Variants in BRSK2 observed in about 807,000 individuals in gnomAD.
BRSK2 encodes the protein serine/threonine-protein kinase BRSK2.
In BRSK2, 19 loss-of-function variants were observed where a neutral mutation model predicts 83.3. The ratio of observed to expected loss-of-function variants is 0.23; its 90% CI spans 0.16 to 0.33. The LOEUF (loss-of-function observed/expected upper bound fraction) is 0.33. Among genes scored for constraint, BRSK2 ranks in the 10% least tolerant of loss-of-function variants. The pLI is 1.00. For missense variants in BRSK2, 798 were observed against 1,042.3 expected (o/e 0.77, Z 3.23); for synonymous variants, 519 against 435.4 (o/e 1.19, Z -2.39).
At chr11:1,436,874 A>G (rs1169108663) in intron 2 of BRSK2, among the ~76,000 whole-genome samples, 7 of 151,960 alleles carry the variant, frequency 4.6e-5, no homozygotes, top group African/African-American at 1.7e-4. Flanking sequence ...GGAGTGGCCA[A>G]GAGAGGGGAG....
chr11:1,418,625 T>C (rs1848350087), intron 1 of BRSK2, among the ~76,000 whole-genome samples: 1 of 152,284 alleles, frequency 6.6e-6, no homozygotes, highest in African/African-American at 2.4e-5. Context: ...GGTCACACTG[T>C]GTCCTGCTTC....
chr11:1,437,717 C>G (rs1347725790), intron 2 of BRSK2, among the ~76,000 whole-genome samples: 1 of 152,228 alleles, frequency 6.6e-6, no homozygotes, highest in Non-Finnish European at 1.5e-5. Flanking sequence ...TCCTGTGAGG[C>G]CTCCACCGTA....
At chr11:1,429,141 C>T (rs1475953124) in intron 1 of BRSK2, among the ~76,000 whole-genome samples, 5 of 104,310 alleles carry the variant, frequency 4.8e-5, no homozygotes, top group South Asian at 3.2e-4. Flanking sequence ...TGTGTGTGCA[C>T]GTGTGCATGG....
At chr11:1,449,967 C>G (rs528894962) in intron 13 of BRSK2, 131 bp downstream of exon 13, 9 of 629,904 alleles carry the variant, frequency 1.4e-5, no homozygotes, top group Admixed American at 2.7e-5. Context: ...TGCCCACGCT[C>G]CTGTGGCGGC....
chr11:1,456,476 G>A lies in BRSK2; in HGVS notation c.1797G>A (p.Gly599=). The A allele has an allele frequency of 1.9e-6, 3 of 1,577,180 alleles. No individual in the cohort carries two copies. Among genetic ancestry groups the A allele is most frequent in the Non-Finnish European group, 2.6e-6 (3 of 1,160,280 alleles). ...TTGATATCACCTACACGGAGGGTGG[G>A]GAGGCGCAGAAGGAGAACGGCATCT... The part of the protein sequence containing the change: ...FQVDITYTEG[G]EAQKENGIYS... Residue 599 remains glycine (G), a synonymous_variant, in exon 17 of 20, where the codon GGG becomes GGA. Coordinates refer to ENST00000528841, the MANE Select transcript of BRSK2 (RefSeq NM_001256627.2).
chr11:1,392,260 G>A (rs952564406), intron 1 of BRSK2, among the ~76,000 whole-genome samples: 1 of 152,220 alleles, frequency 6.6e-6, no homozygotes, highest in Admixed American at 6.5e-5. Context: ...TTCCTGCCAG[G>A]AGACCTCCGT....
chr11:1,447,858 A>C (rs531277035), intron 12 of BRSK2: 52 of 1,596,394 alleles, frequency 3.3e-5, no homozygotes, highest in Admixed American at 2.5e-4. Flanking sequence ...TCAGCAAAGA[A>C]GACAGGTATA....
intron 1 of BRSK2, among the ~76,000 whole-genome samples, chr11:1,402,994 G>T (rs948653009): frequency 6.6e-6 from 1 of 152,142 alleles, no homozygotes; most frequent in African/African-American, 2.4e-5. Context: ...AGCCAGAGCC[G>T]CCGAGGGCGT....
At chr11:1,408,767 G>A (rs905659812) in intron 1 of BRSK2, among the ~76,000 whole-genome samples, 3 of 76,538 alleles carry the variant, frequency 3.9e-5, no homozygotes, top group Admixed American at 1.1e-4. Context: ...GTGCAGGGGT[G>A]TGTGTGTGTG....
At chr11:1,425,634 T>C (rs1443085811) in intron 1 of BRSK2, among the ~76,000 whole-genome samples, 1 of 152,070 alleles carries the variant, frequency 6.6e-6, no homozygotes, top group East Asian at 1.9e-4. Flanking sequence ...GGGGACGCAT[T>C]CAGCACCGAG....
At position 1,460,732 on chromosome 11, in the gene BRSK2, GCCCCC is replaced by G; in HGVS notation, c.*16_*20del. The G allele has an allele frequency of 7.6e-7, 1 of 1,310,240 alleles. No homozygotes were observed. The highest frequency in any genetic ancestry group is 9.9e-7 in the Non-Finnish European group (1 of 1,013,228). The allele number at this position is 1,310,240 out of a possible 1,614,324, so 81.2% of individuals were successfully genotyped here. Reference sequence around the variant, plus strand: ...GCCGCGAGCAGCCTTAGACACACTAGCCCCCCCCCCCAGCACAGCACTGACAGCGG... The same window carrying G: ...GCCGCGAGCAGCCTTAGACACACTAGCCCCCCAGCACAGCACTGACAGCGG... On this transcript the variant is annotated 3_prime_UTR_variant, in exon 20 of 20. Transcript: ENST00000528841.
chr11:1,450,407 G>A (rs1418652930), intron 13 of BRSK2, among the ~76,000 whole-genome samples, 180 bp from the exon 14 acceptor site: 8 of 152,104 alleles, frequency 5.3e-5, no homozygotes, highest in Non-Finnish European at 8.8e-5. Context: ...CAAGCTGACC[G>A]ACAAGCCTCT....
chr11:1,411,769 G>T, intron 1 of BRSK2: 1 of 1,301,872 alleles, frequency 7.7e-7, no homozygotes, highest in East Asian at 2.6e-5. Flanking sequence ...AGGGCCAGCT[G>T]TGCGGGTTCC....
At position 1,458,937 on chromosome 11, in the gene BRSK2, G is replaced by A. The variant is rs59967503; in HGVS notation, c.1940-255G>A. On this transcript the variant is annotated intron_variant, in intron 18 of 19. Coordinates refer to ENST00000528841, the MANE Select transcript of BRSK2 (RefSeq NM_001256627.2). ...CTCAGGCTCAGGCTGCTGGAGGTCC[G>A]GCTGCTGCCCAGGTGGCTCCGCCTT... Among the ~76,000 whole-genome samples the A allele has an allele frequency of 8.1e-4, 123 of 152,230 alleles. 2 individuals are homozygous for A. The East Asian group carries it at 8.1e-3, about 10-fold the overall frequency.
At position 1,443,173 on chromosome 11, in the gene BRSK2, G is replaced by T. The variant is rs770296503; in HGVS notation, c.564+34G>T. ...GCGCCGCCGCGTGCAGCTCTGTGGG[G>T]CCCAGGGTGGCGGGGACCTGACCCT... is the stretch of plus-strand genomic sequence containing the variant. On this transcript the variant is annotated intron_variant, in intron 6 of 19. Coordinates refer to ENST00000528841, the MANE Select transcript of BRSK2 (RefSeq NM_001256627.2). The T allele has an allele frequency of 1.1e-5, 17 of 1,535,714 alleles. No individual in the cohort carries two copies. The South Asian group carries it at 2.0e-4, about 18-fold the overall frequency.
In BRSK2 at chr11:1,459,059, C is replaced by T. The variant is rs368895536; in HGVS notation, c.1940-133C>T. The stretch of plus-strand genomic sequence containing the variant: ...TCTGGCTCTGGCCCCCCCAGTATTC[C>T]CCACCCATGCCTCTGGGGCCCTACC... On this transcript the variant is annotated intron_variant, in intron 18 of 19. Transcript: ENST00000528841. 1.1e-3 allele frequency: 897 copies of T among 825,598 alleles called. 7 individuals are homozygous for T. The African/African-American group carries it at 0.014, about 13-fold the overall frequency. The allele number at this position is 825,598 out of a possible 1,614,324, so 51.1% of individuals were successfully genotyped here. A position where few individuals can be genotyped will look rare whatever the true frequency, so the allele number is the denominator to read the frequency against.
intron 1 of BRSK2, among the ~76,000 whole-genome samples, chr11:1,392,460 T>C (rs921509657): frequency 6.6e-6 from 1 of 152,188 alleles, no homozygotes; most frequent in Non-Finnish European, 1.5e-5. Context: ...TTTGGCCCTC[T>C]CTGTTCATCT....
intron 1 of BRSK2, among the ~76,000 whole-genome samples, chr11:1,403,446 G>A (rs1846625794): frequency 6.6e-6 from 1 of 152,176 alleles, no homozygotes; most frequent in South Asian, 2.1e-4. Flanking sequence ...TTGGGCCTGG[G>A]GGCCCTGCGC....
chr11:1,436,143 G>C lies in BRSK2; in HGVS notation c.186+9G>C. 1 of 1,180,234 alleles carries C rather than the reference G, an allele frequency of 8.5e-7. No individual in the cohort carries two copies. Among genetic ancestry groups the C allele is most frequent in the Non-Finnish European group, 1.2e-6 (1 of 857,542 alleles). The allele number at this position is 1,180,234 out of a possible 1,614,324, so 73.1% of individuals were successfully genotyped here. On this transcript the variant is annotated intron_variant, in intron 2 of 19. Coordinates refer to ENST00000528841, the MANE Select transcript of BRSK2 (RefSeq NM_001256627.2). ...AGTCGGTGCTGATGAAGGTGGGTGG[G>C]GCCGGGGAGGGAGGCGGGGCCGGCG...
Sources: allele counts gnomAD v4.1 joint callset (sites outside exome capture counted in the v4.1 genomes callset), GRCh38; gene constraint gnomAD v4.1.1; transcripts MANE v1.5; gene names NCBI Gene and HGNC (gene_info 2026-07-23, HGNC 2026-07-21).